The following CP variants were observed in gnomAD, a reference collection of about 807,000 sequenced individuals.
CP encodes ceruloplasmin, also known as caeruloplasmin.
In CP, 64 loss-of-function variants were observed where a neutral mutation model predicts 122.4. That is an observed-to-expected ratio of 0.52 (90% CI 0.43 to 0.64). CP has a LOEUF of 0.64. Among genes scored for constraint, CP ranks in the 30% least tolerant of loss-of-function variants. CP has a pLI of 0.00. For synonymous variants in CP, 440 were observed against 436.4 expected (o/e 1.01, Z -0.10); for missense variants, 1,167 against 1,284.4 (o/e 0.91, Z 1.40).
intron 5 of CP, among the ~76,000 whole-genome samples, chr3:149,206,960 T>C (rs1727767396): frequency 6.6e-6 from 1 of 152,190 alleles, no homozygotes. Context: ...AAGGAAGGAT[T>C]TATCGAGTTA....
chr3:149,197,759 G>A (rs962655431), intron 9 of CP, among the ~76,000 whole-genome samples: 29 of 152,120 alleles, frequency 1.9e-4, no homozygotes, highest in African/African-American at 6.5e-4. Flanking sequence ...CCCCTCACAT[G>A]CACAGTTCAC....
At chr3:149,186,811 A>C (rs1726212059) in intron 10 of CP, 79 bp from the exon 11 acceptor site, 2 of 1,394,020 alleles carry the variant, frequency 1.4e-6, no homozygotes, top group South Asian at 2.3e-5. Context: ...TCCAGGACCA[A>C]CTTTGTTTTT....
At chr3:149,214,165 T>C (rs1258371851) in intron 1 of CP, among the ~76,000 whole-genome samples, 1 of 152,130 alleles carries the variant, frequency 6.6e-6, no homozygotes, top group Non-Finnish European at 1.5e-5. Flanking sequence ...GGATTCCTGA[T>C]ACCATGAGAC....
intron 18 of CP, chr3:149,175,845 G>A (rs1725382437): frequency 5.8e-6 from 1 of 172,734 alleles, no homozygotes; most frequent in Admixed American, 6.0e-5. Context: ...ATATTATTTG[G>A]GGTTGTCTTG....
In CP at chr3:149,202,085, A is replaced by G. The variant is rs747354879; in HGVS notation, c.1348+17T>C. On this transcript the variant is annotated intron_variant, in intron 7 of 18. Coordinates refer to ENST00000264613, the MANE Select transcript of CP (RefSeq NM_000096.4). ...TGGGAAGAGTAAACCAGCCATATATATTCTGCAAGAACTCACCCAGGATGC... is the reference window on the plus strand; with the variant it reads ...TGGGAAGAGTAAACCAGCCATATATGTTCTGCAAGAACTCACCCAGGATGC... 31 of 1,613,838 alleles carry G rather than the reference A, an allele frequency of 1.9e-5. No homozygotes were observed. Among genetic ancestry groups the G allele is most frequent in the Non-Finnish European group, 2.6e-5 (31 of 1,179,882 alleles).
intron 12 of CP, among the ~76,000 whole-genome samples, chr3:149,184,326 C>T (rs1245574795): frequency 6.6e-6 from 1 of 152,052 alleles, no homozygotes; most frequent in Non-Finnish European, 1.5e-5. Context: ...TGAGCCACCG[C>T]GCCCGGCCAG....
At chr3:149,186,765 G>A (rs1427101358) in intron 10 of CP, 33 bp from the exon 11 acceptor site, 2 of 1,596,558 alleles carry the variant, frequency 1.3e-6, no homozygotes, top group South Asian at 2.2e-5. Flanking sequence ...TTTTGGAAGT[G>A]GTTTAGATTC....
intron 9 of CP, among the ~76,000 whole-genome samples, chr3:149,195,998 G>A (rs865897744): frequency 2.0e-5 from 3 of 152,048 alleles, no homozygotes; most frequent in Non-Finnish European, 2.9e-5. Flanking sequence ...GAATTAACCC[G>A]TATATCCAGT....
At chr3:149,196,769 G>GA (rs35204894) in intron 9 of CP, among the ~76,000 whole-genome samples, 144,358 of 152,236 alleles carry the variant, frequency 0.95, 68,474 homozygotes, top group East Asian at 1. Context: ...TGATTAATTT[G>GA]AAACTTATAA....
rs1007120780 is a variant in CP, at chr3:149,209,506, C to A, written c.608-122G>T. 3.0e-6 allele frequency: 3 copies of A among 999,280 alleles called. No homozygotes were observed. The African/African-American group carries it at 4.9e-5, about 16-fold the overall frequency. 61.9% of individuals were successfully genotyped at this position (999,280 alleles called of 1,614,324 possible). A position where few individuals can be genotyped will look rare whatever the true frequency, so the allele number is the denominator to read the frequency against. ...TTATTTTTTCGAATAAATCACAAGT[C>A]TGGACCAGTCACTCCTGTTTTACAG... is the stretch of plus-strand genomic sequence containing the variant. On this transcript the variant is annotated intron_variant, in intron 3 of 18. Transcript: ENST00000264613.
chr3:149,186,288 G>A, intron 11 of CP: 1 of 570,204 alleles, frequency 1.8e-6, no homozygotes, highest in Non-Finnish European at 3.1e-6. Context: ...TGGAAGTGGA[G>A]AAAACCACAC....
At chr3:149,181,973 T>TGCGGGGGGGGGGGGG in intron 14 of CP, 32 bp downstream of exon 14, 6 of 1,375,572 alleles carry the variant, frequency 4.4e-6, no homozygotes, top group Non-Finnish European at 5.2e-6. Flanking sequence ...CCTGTTAAAA[T>TGCGGGGGGGGGGGGG]GCACCACCCC....
chr3:149,219,195 C>A (rs1576792282), intron 1 of CP, among the ~76,000 whole-genome samples: 1 of 152,136 alleles, frequency 6.6e-6, no homozygotes, highest in African/African-American at 2.4e-5. Context: ...AAAACTGTAG[C>A]ATATTGTTGA....
chr3:149,208,511 G>A (rs777179180), intron 4 of CP, among the ~76,000 whole-genome samples: 2 of 152,088 alleles, frequency 1.3e-5, no homozygotes, highest in Non-Finnish European at 2.9e-5. Context: ...TGGTAGTATC[G>A]TTATTTTTGT....
chr3:149,196,488 A>G (rs1726904842), intron 9 of CP, among the ~76,000 whole-genome samples: 1 of 152,194 alleles, frequency 6.6e-6, no homozygotes, highest in African/African-American at 2.4e-5. Flanking sequence ...AAAAACAAAA[A>G]ACAGGCTTTT....
intron 14 of CP, among the ~76,000 whole-genome samples, chr3:149,181,422 C>A (rs1237605028): frequency 1.3e-5 from 2 of 152,154 alleles, no homozygotes; most frequent in Non-Finnish European, 2.9e-5. Flanking sequence ...AGCACCCTTG[C>A]TACACCCTGC....
rs2108217138 is a variant in CP, at chr3:149,178,638, A to G, written c.2662-7T>C. ...TTAATCCACTGTAGAGGTCCTGGAA[A>G]CAAGAAAAATCTTCAGTAACCCTTG... On this transcript the variant is annotated splice_polypyrimidine_tract_variant and splice_region_variant and intron_variant, in intron 15 of 18. Transcript: ENST00000264613. The G allele has an allele frequency of 1.3e-6, 2 of 1,596,014 alleles. No homozygotes were observed. Among genetic ancestry groups the G allele is most frequent in the East Asian group, 4.5e-5 (2 of 44,646 alleles).
Position 149,182,116 on chromosome 3 carries a change from C to T in CP, c.2443G>A (p.Asp815Asn). 6.2e-7 allele frequency: 1 copy of T among 1,613,452 alleles called. No homozygotes were observed. Among genetic ancestry groups the T allele is most frequent in the Non-Finnish European group, 8.5e-7 (1 of 1,179,570 alleles). The change falls in exon 14 of 19, where the codon GAT (aspartate) becomes AAT (asparagine). Residue 815 changes from aspartate (D) to asparagine (N), a missense_variant. Physicochemically the swap from Asp to Asn is conservative, Grantham distance 23 (BLOSUM62 1). Coordinates refer to ENST00000264613, the MANE Select transcript of CP (RefSeq NM_000096.4). The stretch of plus-strand genomic sequence containing the variant: ...ATAATTTTGACTTTGTCTCCAACAT[C>T]TGCATGAAGTTGTGGACCTGGCAAA... ...LGILGPQLHA[D>N]VGDKVKIIFK...
chr3:149,181,982 C>CGGCGGGG, intron 14 of CP, 23 bp downstream of exon 14: 1 of 532,614 alleles, frequency 1.9e-6, no homozygotes, highest in Non-Finnish European at 3.6e-6. Flanking sequence ...ATGCACCACC[C>CGGCGGGG]CCACCCCCGC....
Sources: gnomAD v4.1 joint callset for allele counts (sites outside exome capture counted in the v4.1 genomes callset) on GRCh38, gnomAD v4.1.1 for gene constraint, MANE v1.5 for transcripts, NCBI Gene and HGNC (gene_info 2026-07-23, HGNC 2026-07-21) for gene names.